Variants in CNTN4 observed in about 807,000 individuals in gnomAD.
CNTN4 encodes contactin-4.
Under a neutral mutation model 122.5 loss-of-function variants are expected in CNTN4, and 77 were observed. The ratio of observed to expected loss-of-function variants is 0.63; its 90% CI spans 0.52 to 0.76. CNTN4 has a LOEUF of 0.76. Among genes scored for constraint, CNTN4 ranks in the 30% least tolerant of loss-of-function variants. The probability of loss-of-function intolerance (pLI) is 0.00; values close to 1 mark genes in which losing one functional copy is unlikely to be tolerated. For synonymous variants in CNTN4, 512 were observed against 447.0 expected (o/e 1.15, Z -1.83); for missense variants, 1,256 against 1,259.1 (o/e 1.00, Z 0.04).
intron 14 of CNTN4, among the ~76,000 whole-genome samples, chr3:2,997,714 A>G (rs1695658091): frequency 6.6e-6 from 1 of 152,192 alleles, no homozygotes; most frequent in East Asian, 1.9e-4. Context: ...TCCATTTCTA[A>G]AAAGTTAAAA....
At chr3:2,973,260 G>T (rs952572825) in intron 13 of CNTN4, among the ~76,000 whole-genome samples, 3 of 151,980 alleles carry the variant, frequency 2.0e-5, no homozygotes, top group Non-Finnish European at 4.4e-5. Flanking sequence ...AGATCTGAAG[G>T]TACAGAAAAC....
intron 4 of CNTN4, among the ~76,000 whole-genome samples, chr3:2,572,075 A>G (rs971102567): frequency 6.6e-6 from 1 of 152,166 alleles, no homozygotes; most frequent in African/African-American, 2.4e-5. Context: ...ATGGCCAACT[A>G]CTAGAAAAGG....
Position 2,120,810 on chromosome 3 carries a change from T to C in CNTN4, c.-145+20171T>C, listed in dbSNP as rs529609720. Among the ~76,000 whole-genome samples, 275 of 82,550 alleles carry C rather than the reference T, an allele frequency of 3.3e-3. 3 individuals carry two copies. The highest frequency in any genetic ancestry group is 0.021 in the Middle Eastern group (3 of 142). The allele number at this position is 82,550 out of a possible 152,430, so 54.2% of individuals were successfully genotyped here. A position where few individuals can be genotyped will look rare whatever the true frequency, so the allele number is the denominator to read the frequency against. Reference sequence around the variant, plus strand: ...GATCTTAAAACTGAGTGAAATACTGTCTAAGTGAATTTTAATCATAATGAG... The same window carrying C: ...GATCTTAAAACTGAGTGAAATACTGCCTAAGTGAATTTTAATCATAATGAG... On this transcript the variant is annotated intron_variant, in intron 2 of 24. Coordinates refer to ENST00000418658, the MANE Select transcript of CNTN4 (RefSeq NM_175607.3).
chr3:2,515,636 C>G (rs1181574324), intron 3 of CNTN4, among the ~76,000 whole-genome samples: 1 of 151,866 alleles, frequency 6.6e-6, no homozygotes, highest in Non-Finnish European at 1.5e-5. Flanking sequence ...CTTAGGATTG[C>G]TTATCACTAG....
intron 14 of CNTN4, among the ~76,000 whole-genome samples, chr3:3,007,218 C>T (rs756078234): frequency 6.6e-6 from 1 of 152,342 alleles, no homozygotes; most frequent in Middle Eastern, 3.4e-3. Context: ...TGCAGCACGT[C>T]TTGTTGTGTA....
intron 4 of CNTN4, among the ~76,000 whole-genome samples, chr3:2,687,595 A>G (rs1266466468): frequency 6.6e-6 from 1 of 152,174 alleles, no homozygotes. Flanking sequence ...GGTTGCAATG[A>G]GCCAAGATTG....
intron 24 of CNTN4, 79 bp downstream of exon 24, chr3:3,054,054 A>T (rs1701542266): frequency 7.0e-7 from 1 of 1,428,044 alleles, no homozygotes; most frequent in Non-Finnish European, 9.8e-7. Flanking sequence ...GGCTTGAAAG[A>T]CATTCAGCCT....
intron 2 of CNTN4, among the ~76,000 whole-genome samples, chr3:2,170,033 T>G (rs895715162): frequency 6.6e-6 from 1 of 151,598 alleles, no homozygotes; most frequent in Non-Finnish European, 1.5e-5. Context: ...ATCAAAAAAG[T>G]AAGGGAGGCC....
intron 5 of CNTN4, among the ~76,000 whole-genome samples, chr3:2,742,154 A>G (rs1455679036): frequency 2.6e-5 from 4 of 151,386 alleles, no homozygotes; most frequent in African/African-American, 9.7e-5. Flanking sequence ...CAAGTAGAAG[A>G]AATTCCGAAG....
chr3:2,207,886 A>T (rs770601230), intron 2 of CNTN4, among the ~76,000 whole-genome samples: 4 of 152,090 alleles, frequency 2.6e-5, no homozygotes, highest in Non-Finnish European at 4.4e-5. Context: ...AGCTAATGTA[A>T]CTGGTGACTT....
intron 6 of CNTN4, among the ~76,000 whole-genome samples, chr3:2,761,139 T>G (rs2090571342): frequency 6.6e-6 from 1 of 152,190 alleles, no homozygotes. Flanking sequence ...CTAAGAACAA[T>G]GGACACTGAC....
intron 13 of CNTN4, among the ~76,000 whole-genome samples, chr3:2,962,838 C>T (rs1457349167): frequency 6.6e-6 from 1 of 151,984 alleles, no homozygotes; most frequent in African/African-American, 2.4e-5. Flanking sequence ...TGTTGAACAC[C>T]ATTCTTTCAT....
At chr3:2,377,394 T>G (rs2045860986) in intron 3 of CNTN4, among the ~76,000 whole-genome samples, 1 of 152,194 alleles carries the variant, frequency 6.6e-6, no homozygotes, top group Admixed American at 6.5e-5. Context: ...TCCTCAGTCA[T>G]TTTCTCTAGC....
At chr3:2,564,717 G>A (rs997598271) in intron 3 of CNTN4, among the ~76,000 whole-genome samples, 1 of 151,840 alleles carries the variant, frequency 6.6e-6, no homozygotes, top group East Asian at 1.9e-4. Flanking sequence ...GGTTACTTCC[G>A]TTTTTTGAAG....
chr3:2,333,689 C>T (rs2043827103), intron 2 of CNTN4, among the ~76,000 whole-genome samples: 1 of 152,132 alleles, frequency 6.6e-6, no homozygotes, highest in Non-Finnish European at 1.5e-5. Context: ...CATTTGTTTG[C>T]TTGGAGCTAG....
chr3:2,723,055 G>C (rs546909016), intron 4 of CNTN4, among the ~76,000 whole-genome samples: 3 of 152,126 alleles, frequency 2.0e-5, no homozygotes, highest in Non-Finnish European at 2.9e-5. Flanking sequence ...TGACAAAATA[G>C]ATTATCTCTC....
intron 4 of CNTN4, among the ~76,000 whole-genome samples, chr3:2,631,221 TA>T (rs2082415696): frequency 6.6e-6 from 1 of 152,178 alleles, no homozygotes; most frequent in Non-Finnish European, 1.5e-5. Context: ...TAGTTACTCT[TA>T]AGGTTAAAAT....
At chr3:2,309,101 C>T (rs914971760) in intron 2 of CNTN4, among the ~76,000 whole-genome samples, 4 of 152,044 alleles carry the variant, frequency 2.6e-5, no homozygotes, top group African/African-American at 9.7e-5. Context: ...TTTCTTCTTT[C>T]ATTTCTATCA....
In CNTN4 at chr3:2,783,127, T is replaced by G. The variant is rs531414060; in HGVS notation, c.359-36359T>G. Among the ~76,000 whole-genome samples the G allele has an allele frequency of 1.8e-3, 269 of 151,994 alleles. 2 individuals are homozygous for G. The highest frequency in any genetic ancestry group is 6.4e-3 in the African/African-American group (266 of 41,456). On this transcript the variant is annotated intron_variant, in intron 6 of 24. Transcript: ENST00000418658. ...GATTTTCTCTCTACTAATTTTTTTTTTTTTTTAAATTAGCAGGACATAGTG... is the reference window on the plus strand; with the variant it reads ...GATTTTCTCTCTACTAATTTTTTTTGTTTTTTAAATTAGCAGGACATAGTG...
Sources: allele counts gnomAD v4.1 joint callset (sites outside exome capture counted in the v4.1 genomes callset), GRCh38; gene constraint gnomAD v4.1.1; transcripts MANE v1.5; gene names NCBI Gene and HGNC (gene_info 2026-07-23, HGNC 2026-07-21).